The following FANK1 variants were observed in gnomAD, a reference collection of about 807,000 sequenced individuals.
FANK1 encodes fibronectin type III and ankyrin repeat domains 1, also known as fibronectin type 3 and ankyrin repeat domains protein 1.
FANK1 carries 44 observed loss-of-function variants against 45.3 expected under a neutral mutation model. The ratio of observed to expected loss-of-function variants is 0.97; its 90% CI spans 0.76 to 1.25. The LOEUF (loss-of-function observed/expected upper bound fraction) is 1.25. Among genes scored for constraint, FANK1 ranks in the 50% most tolerant of loss-of-function variants. FANK1 has a pLI of 0.00. For synonymous variants in FANK1, 149 were observed against 152.5 expected (o/e 0.98, Z 0.17); for missense variants, 391 against 424.4 (o/e 0.92, Z 0.69).
At chr10:125,958,461 C>T (rs768483532) in intron 1 of FANK1, among the ~76,000 whole-genome samples, 1 of 152,188 alleles carries the variant, frequency 6.6e-6, no homozygotes, top group Non-Finnish European at 1.5e-5. Context: ...AGGTCTCGAA[C>T]TCCTGGTCTC....
At chr10:125,900,976 AGTT>A (rs993355880) in intron 1 of FANK1, among the ~76,000 whole-genome samples, 1 of 148,542 alleles carries the variant, frequency 6.7e-6, no homozygotes, top group South Asian at 2.1e-4. Flanking sequence ...TTTTTTTTGT[AGTT>A]GTTGTTTTTA....
chr10:125,961,705 C>T (rs1949938204), intron 1 of FANK1, among the ~76,000 whole-genome samples: 1 of 152,086 alleles, frequency 6.6e-6, no homozygotes, highest in South Asian at 2.1e-4. Context: ...TGAATAAGAC[C>T]TCAAAAGCAG....
intron 1 of FANK1, among the ~76,000 whole-genome samples, chr10:125,956,312 G>A (rs1379885804): frequency 2.6e-5 from 4 of 151,854 alleles, no homozygotes; most frequent in Non-Finnish European, 5.9e-5. Flanking sequence ...CTTTGGAAAA[G>A]CAAAAAATCA....
Position 125,989,426 on chromosome 10 carries a change from C to A in FANK1, c.316+751C>A, listed in dbSNP as rs780970807. 23 of 1,448,568 alleles carry A rather than the reference C, an allele frequency of 1.6e-5. 1 individual carries two copies. In the South Asian group the frequency reaches 2.8e-4, roughly 18 times the overall value. The allele number at this position is 1,448,568 out of a possible 1,614,324, so 89.7% of individuals were successfully genotyped here. On this transcript the variant is annotated intron_variant, in intron 3 of 10. Coordinates refer to ENST00000368693, the MANE Select transcript of FANK1 (RefSeq NM_145235.5). ...AGTAAAGCTCTTTTTCCGTTTTATT[C>A]CAGGTAGCATTTGGCTTGGAGGTAT...
At chr10:125,974,015 G>A (rs1365108819) in intron 1 of FANK1, among the ~76,000 whole-genome samples, 1 of 152,130 alleles carries the variant, frequency 6.6e-6, no homozygotes, top group African/African-American at 2.4e-5. Context: ...TTTAGTTGTT[G>A]TATAGGATTT....
At chr10:125,978,193 C>T (rs542169772) in intron 1 of FANK1, among the ~76,000 whole-genome samples, 4 of 152,310 alleles carry the variant, frequency 2.6e-5, no homozygotes, top group African/African-American at 7.2e-5. Context: ...CCTGTCCCTC[C>T]CTCTGGGAGC....
intron 1 of FANK1, among the ~76,000 whole-genome samples, chr10:125,936,932 T>G (rs1025029330): frequency 5.9e-5 from 9 of 152,082 alleles, no homozygotes; most frequent in African/African-American, 1.9e-4. Flanking sequence ...CCAGGCGTGG[T>G]GGTGCATGCC....
intron 3 of FANK1, among the ~76,000 whole-genome samples, chr10:125,993,728 G>A (rs1160147583): frequency 2.0e-5 from 3 of 152,168 alleles, no homozygotes; most frequent in Non-Finnish European, 2.9e-5. Context: ...GTTATCGTGC[G>A]ACTTTTATTT....
At chr10:125,916,594 A>G (rs1442853019) in intron 1 of FANK1, among the ~76,000 whole-genome samples, 1 of 152,230 alleles carries the variant, frequency 6.6e-6, no homozygotes, top group Admixed American at 6.5e-5. Flanking sequence ...ATGAATAAAC[A>G]AAATATGGTA....
In FANK1 at chr10:125,953,315, C is replaced by A. The variant is rs1198809225; in HGVS notation, c.14-26846C>A. ...CTGAAGTTGGAACCTTCAAGAGGCC[C>A]CCCTAGATCCATGTCACTAGTCTAG... is the stretch of plus-strand genomic sequence containing the variant. On this transcript the variant is annotated intron_variant, in intron 1 of 10. Coordinates refer to ENST00000368693, the MANE Select transcript of FANK1 (RefSeq NM_145235.5). Among the ~76,000 whole-genome samples the A allele has an allele frequency of 3.9e-5, 6 of 152,208 alleles. No homozygotes were observed. In the East Asian group the frequency reaches 7.7e-4, roughly 20 times the overall value.
chr10:125,967,978 G>A (rs903397450), intron 1 of FANK1, among the ~76,000 whole-genome samples: 4 of 151,812 alleles, frequency 2.6e-5, no homozygotes, highest in Non-Finnish European at 4.4e-5. Context: ...AATCTAAAAC[G>A]GTTTTATCAC....
At chr10:125,927,075 A>AT (rs2134136864) in intron 1 of FANK1, among the ~76,000 whole-genome samples, 2 of 152,184 alleles carry the variant, frequency 1.3e-5, no homozygotes, top group South Asian at 4.2e-4. Context: ...GAGTGCTGGG[A>AT]TTACAGGCAT....
chr10:125,941,323 G>A (rs1044391265), intron 1 of FANK1, among the ~76,000 whole-genome samples: 4 of 152,180 alleles, frequency 2.6e-5, no homozygotes, highest in Non-Finnish European at 4.4e-5. Context: ...AAAATCACGG[G>A]AAGGCATTAA....
Position 125,983,531 on chromosome 10 carries a change from G to A in FANK1, c.191+3193G>A, listed in dbSNP as rs903895659. On this transcript the variant is annotated intron_variant, in intron 2 of 10. Transcript: ENST00000368693. This position sits in a 1 kb window ranked among gnomAD's most constrained non-coding sequence, Gnocchi z 4.3. ...ATTGAGGGCCTGGGGTAGAGGTGGGGAAGTCTTCACCAAGAAGGTAGCTTC... is the reference window on the plus strand; with the variant it reads ...ATTGAGGGCCTGGGGTAGAGGTGGGAAAGTCTTCACCAAGAAGGTAGCTTC... Among the ~76,000 whole-genome samples, 1 of 152,186 alleles carries A rather than the reference G, an allele frequency of 6.6e-6. No individual in the cohort carries two copies. The highest frequency in any genetic ancestry group is 6.5e-5 in the Admixed American group (1 of 15,272).
At chr10:125,967,377 T>C (rs186149600) in intron 1 of FANK1, among the ~76,000 whole-genome samples, 150 of 152,282 alleles carry the variant, frequency 9.9e-4, no homozygotes, top group African/African-American at 3.4e-3. Context: ...TATAGCAGTT[T>C]ATAAGGTTGT....
chr10:125,999,226 A>C (rs984106210), intron 6 of FANK1, among the ~76,000 whole-genome samples: 3 of 141,904 alleles, frequency 2.1e-5, no homozygotes, highest in African/African-American at 7.8e-5. Flanking sequence ...TTGAGACGGA[A>C]TCTCACTCTG....
Position 126,008,549 on chromosome 10 carries a change from TGGTA to T in FANK1, c.849+3_849+6del, listed in dbSNP as rs753971487. Reference sequence around the variant, plus strand: ...GACAGAAATGGAAAGACGCCCCTTATGGTAGGTCCTCCTCCCGAAAATAGGCAGT... The same window carrying T: ...GACAGAAATGGAAAGACGCCCCTTATGGTCCTCCTCCCGAAAATAGGCAGT... On this transcript the variant is annotated splice_donor_variant and splice_donor_region_variant and coding_sequence_variant and intron_variant, in exon 8 of 11. Transcript: ENST00000368693. LOFTEE classifies it high-confidence loss of function. The T allele has an allele frequency of 1.9e-6, 3 of 1,604,892 alleles. No homozygotes were observed. In the Admixed American group the frequency reaches 5.2e-5, roughly 28 times the overall value.
chr10:125,945,927 A>C (rs1022761089), intron 1 of FANK1, among the ~76,000 whole-genome samples: 17 of 152,184 alleles, frequency 1.1e-4, no homozygotes, highest in South Asian at 2.1e-4. Flanking sequence ...CTGCCTCCTC[A>C]AGTGGGTCCC....
At chr10:125,941,374 C>T (rs1056191360) in intron 1 of FANK1, among the ~76,000 whole-genome samples, 9 of 152,244 alleles carry the variant, frequency 5.9e-5, no homozygotes, top group African/African-American at 1.4e-4. Context: ...TCGTAAGATA[C>T]GATTTTGCAT....
Sources: gnomAD v4.1 joint callset for allele counts (sites outside exome capture counted in the v4.1 genomes callset) on GRCh38, gnomAD v4.1.1 for gene constraint, Gnocchi (gnomAD v3.1) non-coding constraint, MANE v1.5 for transcripts, NCBI Gene and HGNC (gene_info 2026-07-23, HGNC 2026-07-21) for gene names.